Variants in MCTP1 observed in about 807,000 individuals in gnomAD.
MCTP1 encodes the protein multiple C2 and transmembrane domain-containing protein 1.
MCTP1 carries 69 observed loss-of-function variants against 120.6 expected under a neutral mutation model. The observed-to-expected ratio is 0.57, with a 90% CI of 0.47 to 0.70. The LOEUF (loss-of-function observed/expected upper bound fraction) is 0.70. MCTP1 is among the 30% of genes least tolerant of loss of function. The pLI is 0.00. For missense variants in MCTP1, 1,203 were observed against 1,248.8 expected (o/e 0.96, Z 0.55); for synonymous variants, 529 against 493.1 (o/e 1.07, Z -0.96).
chr5:95,234,497 G>A (rs952808302), intron 1 of MCTP1, among the ~76,000 whole-genome samples: 4 of 152,086 alleles, frequency 2.6e-5, no homozygotes, highest in Admixed American at 1.3e-4. Context: ...TACAAGTTGG[G>A]TGACTTCTGG....
intron 17 of MCTP1, among the ~76,000 whole-genome samples, chr5:94,829,992 C>A (rs1273408163): frequency 6.6e-6 from 1 of 152,108 alleles, no homozygotes; most frequent in African/African-American, 2.4e-5. Flanking sequence ...CTTACCATCT[C>A]ATGGAAAATG....
At chr5:95,158,411 G>T (rs752899739) in intron 1 of MCTP1, among the ~76,000 whole-genome samples, 10 of 152,106 alleles carry the variant, frequency 6.6e-5, no homozygotes, top group African/African-American at 2.4e-4. Flanking sequence ...TGGAAAATAT[G>T]ATAAAAATGG....
At chr5:94,930,032 TC>T (rs1814169920) in intron 6 of MCTP1, among the ~76,000 whole-genome samples, 1 of 152,070 alleles carries the variant, frequency 6.6e-6, no homozygotes, top group African/African-American at 2.4e-5. Flanking sequence ...ACATAGGAAT[TC>T]TGTATCTTCA....
intron 18 of MCTP1, among the ~76,000 whole-genome samples, chr5:94,790,741 G>C (rs1325649057): frequency 6.6e-6 from 1 of 152,144 alleles, no homozygotes; most frequent in Non-Finnish European, 1.5e-5. Context: ...CTGGTAGTAG[G>C]GGGTGAGTGT....
At chr5:94,893,161 A>G (rs958737924) in intron 11 of MCTP1, among the ~76,000 whole-genome samples, 6 of 152,246 alleles carry the variant, frequency 3.9e-5, no homozygotes, top group African/African-American at 1.2e-4. Context: ...CAAATTCTGA[A>G]TGGAAATGGC....
intron 18 of MCTP1, among the ~76,000 whole-genome samples, chr5:94,789,788 G>C (rs569161857): frequency 5.3e-5 from 8 of 152,260 alleles, no homozygotes; most frequent in African/African-American, 1.7e-4. Flanking sequence ...CCTGGGCAAG[G>C]CGTGTGTCTT....
chr5:95,049,866 A>G (rs1179650438), intron 1 of MCTP1, among the ~76,000 whole-genome samples: 1 of 152,208 alleles, frequency 6.6e-6, no homozygotes, highest in Non-Finnish European at 1.5e-5. Context: ...GCTCCGTATC[A>G]CCTGTCTTCT....
chr5:94,801,198 A>G (rs1270877361), intron 17 of MCTP1, among the ~76,000 whole-genome samples: 3 of 152,182 alleles, frequency 2.0e-5, no homozygotes, highest in African/African-American at 7.2e-5. Flanking sequence ...TTTTGTTTTC[A>G]TTCACTGTTT....
At chr5:95,214,687 A>G (rs1259087089) in intron 1 of MCTP1, among the ~76,000 whole-genome samples, 1 of 152,202 alleles carries the variant, frequency 6.6e-6, no homozygotes, top group Non-Finnish European at 1.5e-5. Flanking sequence ...ATGCAGCCAT[A>G]GAAAATGATG....
At chr5:94,919,709 G>A (rs115002266) in intron 7 of MCTP1, among the ~76,000 whole-genome samples, 2 of 152,240 alleles carry the variant, frequency 1.3e-5, no homozygotes, top group Non-Finnish European at 2.9e-5. Context: ...CTGCAAAGAC[G>A]AGTGTGGAGC....
chr5:94,816,674 T>C (rs1186317058), intron 17 of MCTP1, among the ~76,000 whole-genome samples: 2 of 152,022 alleles, frequency 1.3e-5, no homozygotes, highest in Non-Finnish European at 1.5e-5. Flanking sequence ...AAAAATTGAG[T>C]TTAGGGTAAG....
chr5:95,154,552 AG>A (rs1744882899), intron 1 of MCTP1, among the ~76,000 whole-genome samples: 1 of 152,212 alleles, frequency 6.6e-6, no homozygotes, highest in Non-Finnish European at 1.5e-5. Context: ...GGAATTTTTT[AG>A]CTTAAATAAG....
intron 2 of MCTP1, among the ~76,000 whole-genome samples, chr5:95,015,077 T>C (rs948906112): frequency 6.6e-6 from 1 of 152,162 alleles, no homozygotes; most frequent in Non-Finnish European, 1.5e-5. Flanking sequence ...TTTTTAGACA[T>C]GCTTTTTTAT....
At chr5:94,939,566 C>T (rs1247067730) in intron 5 of MCTP1, among the ~76,000 whole-genome samples, 1 of 151,964 alleles carries the variant, frequency 6.6e-6, no homozygotes, top group Non-Finnish European at 1.5e-5. Flanking sequence ...GACGTACAGA[C>T]AGCTAGTGCT....
chr5:95,024,678 C>CACACACACACACACACACACA (rs60289527), intron 1 of MCTP1, among the ~76,000 whole-genome samples: 1 of 148,120 alleles, frequency 6.8e-6, no homozygotes, highest in African/African-American at 2.5e-5. Flanking sequence ...CACACACACA[C>CACACACACACACACACACACA]CCCTAAATGC....
chr5:94,936,468 A>T (rs1052362541), intron 5 of MCTP1, among the ~76,000 whole-genome samples: 1 of 152,098 alleles, frequency 6.6e-6, no homozygotes, highest in Admixed American at 6.6e-5. Context: ...GTGAGGGAAC[A>T]TACATTGCTT....
intron 1 of MCTP1, among the ~76,000 whole-genome samples, chr5:95,099,577 C>T (rs988232285): frequency 4.6e-4 from 69 of 150,234 alleles, no homozygotes; most frequent in African/African-American, 1.7e-3. Context: ...AATGAGATAT[C>T]ATCTCACACC....
At chr5:95,122,112 A>G (rs1402869404) in intron 1 of MCTP1, among the ~76,000 whole-genome samples, 2 of 152,148 alleles carry the variant, frequency 1.3e-5, no homozygotes, top group East Asian at 1.9e-4. Context: ...GTAATACCCC[A>G]CAAGCTCAGG....
chr5:94,798,410 A>T (rs772256167), intron 18 of MCTP1, among the ~76,000 whole-genome samples: 3 of 152,152 alleles, frequency 2.0e-5, no homozygotes, highest in South Asian at 2.1e-4. Context: ...TGCTTTCAAA[A>T]ATGCCAGAGG....
Sources: gnomAD v4.1 joint callset for allele counts (sites outside exome capture counted in the v4.1 genomes callset) on GRCh38, gnomAD v4.1.1 for gene constraint, MANE v1.5 for transcripts, NCBI Gene and HGNC (gene_info 2026-07-23, HGNC 2026-07-21) for gene names.